Variants in TMEM132C observed in about 807,000 individuals in gnomAD.
TMEM132C encodes the protein transmembrane protein 132C, also known as protein phosphatase 1, regulatory subunit 152.
In TMEM132C, 29 loss-of-function variants were observed where a neutral mutation model predicts 61.4. The observed-to-expected ratio is 0.47, with a 90% CI of 0.35 to 0.64. The LOEUF is 0.64. Ranked by LOEUF, TMEM132C falls within the 30% of genes least tolerant of loss-of-function variation. The pLI is 0.00. For synonymous variants in TMEM132C, 656 were observed against 633.1 expected, an observed-to-expected ratio of 1.04 and a Z score of -0.54; for missense variants, 1,408 against 1,476.9, an observed-to-expected ratio of 0.95 and a Z score of 0.76.
At chr12:128,343,090 C>T (rs928662923) in intron 1 of TMEM132C, among the ~76,000 whole-genome samples, 2 of 152,074 alleles carry the variant, frequency 1.3e-5, no homozygotes, top group Non-Finnish European at 2.9e-5. Context: ...AGTTGGGGAA[C>T]GTTTAAGGCA....
At chr12:128,545,177 A>G (rs1163028528) in intron 3 of TMEM132C, among the ~76,000 whole-genome samples, 2 of 152,134 alleles carry the variant, frequency 1.3e-5, no homozygotes, top group Admixed American at 6.6e-5. Flanking sequence ...TTATAACCAC[A>G]TGTACCCACT....
At chr12:128,559,453 A>G (rs751665180) in intron 3 of TMEM132C, among the ~76,000 whole-genome samples, 5 of 152,064 alleles carry the variant, frequency 3.3e-5, no homozygotes, top group Non-Finnish European at 5.9e-5. Flanking sequence ...CTGTGATCAT[A>G]TTCGTGAAAT....
At chr12:128,383,493 G>A (rs994769662) in intron 1 of TMEM132C, among the ~76,000 whole-genome samples, 25 of 152,164 alleles carry the variant, frequency 1.6e-4, no homozygotes, top group African/African-American at 5.1e-4. Context: ...TCTGGCATCC[G>A]ACTGGGAATC....
At chr12:128,648,149 T>C (rs1187997182) in intron 4 of TMEM132C, among the ~76,000 whole-genome samples, 2 of 151,796 alleles carry the variant, frequency 1.3e-5, no homozygotes, top group Non-Finnish European at 2.9e-5. Context: ...TGTGAGTGTG[T>C]TTACCAGATG....
At chr12:128,347,308 T>G (rs140220940) in intron 1 of TMEM132C, among the ~76,000 whole-genome samples, 69 of 152,332 alleles carry the variant, frequency 4.5e-4, no homozygotes, top group African/African-American at 1.6e-3. Context: ...TACCACATTT[T>G]CTTTATCCAC....
At chr12:128,348,615 G>A (rs1273350916) in intron 1 of TMEM132C, among the ~76,000 whole-genome samples, 5 of 152,194 alleles carry the variant, frequency 3.3e-5, no homozygotes, top group Admixed American at 1.3e-4. Context: ...CCTTTCTTGG[G>A]TGTCCAACCA....
chr12:128,468,216 A>C (rs913500580), intron 2 of TMEM132C, among the ~76,000 whole-genome samples: 1 of 152,142 alleles, frequency 6.6e-6, no homozygotes, highest in African/African-American at 2.4e-5. Context: ...TGGGAGTTAG[A>C]AGCGTAGCCT....
At chr12:128,700,958 CG>C (rs1954799566) in intron 8 of TMEM132C, among the ~76,000 whole-genome samples, 1 of 152,056 alleles carries the variant, frequency 6.6e-6, no homozygotes, top group African/African-American at 2.4e-5. Context: ...GTAGAGAAGT[CG>C]GGGGTGATGG....
At chr12:128,269,821 TA>T (rs57072766) in intron 1 of TMEM132C, among the ~76,000 whole-genome samples, 225 of 148,448 alleles carry the variant, frequency 1.5e-3, no homozygotes, top group East Asian at 1.8e-3. Context: ...CTGCTGTCTT[TA>T]AAAAAAAAAA....
At chr12:128,596,664 C>T (rs1228782409) in intron 3 of TMEM132C, among the ~76,000 whole-genome samples, 1 of 149,936 alleles carries the variant, frequency 6.7e-6, no homozygotes, top group Non-Finnish European at 1.5e-5. Flanking sequence ...GGTCCTGGTA[C>T]AGAGGCAGCA....
At chr12:128,689,119 T>C (rs1391867736) in intron 5 of TMEM132C, among the ~76,000 whole-genome samples, 1 of 152,086 alleles carries the variant, frequency 6.6e-6, no homozygotes, top group African/African-American at 2.4e-5. Context: ...TGCCCAGGCT[T>C]CTTTTCTGTT....
chr12:128,347,104 A>G (rs1170975714), intron 1 of TMEM132C, among the ~76,000 whole-genome samples: 1 of 152,096 alleles, frequency 6.6e-6, no homozygotes, highest in Non-Finnish European at 1.5e-5. Flanking sequence ...GAGTCCCCAA[A>G]GTCTGTTATA....
At chr12:128,705,066 T>C (rs1366278165) in intron 8 of TMEM132C, 24 bp from the exon 9 acceptor site, 1 of 1,496,906 alleles carries the variant, frequency 6.7e-7, no homozygotes. Context: ...CCAGGTGGTC[T>C]TCTAACTGCC....
At chr12:128,641,785 GT>G (rs1252670421) in intron 4 of TMEM132C, among the ~76,000 whole-genome samples, 1 of 152,056 alleles carries the variant, frequency 6.6e-6, no homozygotes. Flanking sequence ...TTATTTTCCC[GT>G]TTTTATTTTT....
intron 2 of TMEM132C, among the ~76,000 whole-genome samples, chr12:128,494,603 C>A (rs574837800): frequency 1.3e-5 from 2 of 152,224 alleles, no homozygotes; most frequent in South Asian, 4.2e-4. Context: ...GGAATTTATC[C>A]ATTTCTTCTA....
intron 1 of TMEM132C, among the ~76,000 whole-genome samples, chr12:128,313,312 G>A (rs1375989006): frequency 6.6e-6 from 1 of 152,182 alleles, no homozygotes; most frequent in African/African-American, 2.4e-5. Context: ...CAGAAGCTAA[G>A]TCACTCGTCT....
chr12:128,677,877 G>A (rs552069498), intron 5 of TMEM132C, among the ~76,000 whole-genome samples: 7 of 152,232 alleles, frequency 4.6e-5, no homozygotes, highest in Non-Finnish European at 1.0e-4. Context: ...CAACAAGCAG[G>A]CCTGGCTTTT....
At chr12:128,539,147 T>G (rs1288219441) in intron 2 of TMEM132C, among the ~76,000 whole-genome samples, 1 of 152,218 alleles carries the variant, frequency 6.6e-6, no homozygotes, top group East Asian at 1.9e-4. Flanking sequence ...CCTCATGCTC[T>G]GCTGTTATTC....
intron 1 of TMEM132C, among the ~76,000 whole-genome samples, chr12:128,361,016 G>A (rs938314777): frequency 1.3e-5 from 2 of 152,216 alleles, no homozygotes; most frequent in African/African-American, 4.8e-5. Context: ...CATTGCTTAA[G>A]GCATTGGACA....
Sources: gnomAD v4.1 joint callset for allele counts (sites outside exome capture counted in the v4.1 genomes callset) on GRCh38, gnomAD v4.1.1 for gene constraint, MANE v1.5 for transcripts, NCBI Gene and HGNC (gene_info 2026-07-23, HGNC 2026-07-21) for gene names.